Variants in UNC13B observed in about 807,000 individuals in gnomAD.
UNC13B encodes unc-13 homolog B.
Under a neutral mutation model 211.0 loss-of-function variants are expected in UNC13B, and 144 were observed. That is an observed-to-expected ratio of 0.68 (90% confidence interval 0.60 to 0.78). The LOEUF (loss-of-function observed/expected upper bound fraction) is 0.78, where lower values mean the gene tolerates loss of function less well. UNC13B is among the 30% of genes least tolerant of loss of function. The pLI is 0.00. For synonymous variants in UNC13B, 709 were observed against 725.8 expected (o/e 0.98, Z 0.37); for missense variants, 1,777 against 2,002.0 (o/e 0.89, Z 2.14).
chr9:35,259,181 C>G (rs1827111251), intron 7 of UNC13B, 131 bp downstream of exon 7: 2 of 952,526 alleles, frequency 2.1e-6, no homozygotes, highest in South Asian at 1.6e-5. Context: ...TGAAGCACAT[C>G]TGTTCAGGCG....
chr9:35,185,491 G>A (rs544057174), intron 1 of UNC13B, among the ~76,000 whole-genome samples: 48 of 152,294 alleles, frequency 3.2e-4, no homozygotes, highest in African/African-American at 1.0e-3. Flanking sequence ...GCACCTCATT[G>A]CATCCAAAGA....
In UNC13B at chr9:35,352,683, G is replaced by A. The variant is rs1455980573; in HGVS notation, c.9415-14264G>A. On this transcript the variant is annotated intron_variant, in intron 11 of 39. Coordinates refer to ENST00000635942, the MANE Select transcript of UNC13B (RefSeq NM_001371189.2). Reference sequence around the variant, plus strand: ...CTCAAGAACAATTTATCAAAGGAAAGTGATGTGCCCAAGCTAGGGGATGAA... The same window carrying A: ...CTCAAGAACAATTTATCAAAGGAAAATGATGTGCCCAAGCTAGGGGATGAA... 4.1e-6 allele frequency: 5 copies of A among 1,232,132 alleles called. No homozygotes were observed. The East Asian group carries it at 1.6e-4, about 39-fold the overall frequency. 76.3% of individuals were successfully genotyped at this position (1,232,132 alleles called of 1,614,324 possible). A position where few individuals can be genotyped will look rare whatever the true frequency, so the allele number is the denominator to read the frequency against.
intron 2 of UNC13B, among the ~76,000 whole-genome samples, chr9:35,228,935 A>G (rs1443959331): frequency 1.3e-5 from 2 of 152,128 alleles, no homozygotes; most frequent in Non-Finnish European, 2.9e-5. Flanking sequence ...GTGTCTATGT[A>G]CTAGATTCAG....
chr9:35,364,733 C>T (rs1833666607), intron 11 of UNC13B, among the ~76,000 whole-genome samples: 1 of 152,124 alleles, frequency 6.6e-6, no homozygotes, highest in African/African-American at 2.4e-5. Context: ...TTCTGAAAAG[C>T]AGTTTGTGTG....
chr9:35,323,860 A>T (rs935812833), intron 11 of UNC13B, among the ~76,000 whole-genome samples: 2 of 152,052 alleles, frequency 1.3e-5, no homozygotes, highest in Non-Finnish European at 2.9e-5. Context: ...CAATTAGATT[A>T]CAACTTTCCC....
chr9:35,231,259 A>G (rs755352019), intron 3 of UNC13B, 40 bp downstream of exon 3: 1 of 1,348,814 alleles, frequency 7.4e-7, no homozygotes, highest in Non-Finnish European at 1.1e-6. Flanking sequence ...CATATTTTAT[A>G]ATCTTTTTAA....
At chr9:35,207,619 G>A (rs1823738643) in intron 1 of UNC13B, among the ~76,000 whole-genome samples, 1 of 151,916 alleles carries the variant, frequency 6.6e-6, no homozygotes, top group Admixed American at 6.6e-5. Context: ...ACAGGTGTAA[G>A]CCACTATGCC....
intron 11 of UNC13B, among the ~76,000 whole-genome samples, chr9:35,327,817 A>G (rs1026462291): frequency 5.3e-5 from 8 of 152,200 alleles, no homozygotes; most frequent in Non-Finnish European, 1.2e-4. Context: ...TGGAGCTGCC[A>G]GCTCATGTAG....
rs759756183 is a variant in UNC13B at position 35,306,456 on chromosome 9, A to T, written c.7052A>T (p.Asn2351Ile). The T allele has an allele frequency of 1.3e-5, 5 of 398,938 alleles. No homozygotes were observed. Among genetic ancestry groups the T allele is most frequent in the Non-Finnish European group, 1.3e-5 (3 of 226,062 alleles). The allele number at this position is 398,938 out of a possible 1,614,324, so 24.7% of individuals were successfully genotyped here. A position where few individuals can be genotyped will look rare whatever the true frequency, so the allele number is the denominator to read the frequency against. Residue 2351 changes from asparagine (N) to isoleucine (I), a missense_variant, in exon 9 of 40, where the codon AAC becomes ATC. Asn to Ile is a moderately radical substitution (Grantham distance 149). Coordinates refer to ENST00000635942, the MANE Select transcript of UNC13B (RefSeq NM_001371189.2). ...QAETFLTGPE[N>I]LGIAPHEEEA... Reference sequence around the variant, plus strand: ...GAAACATTCCTCACTGGCCCAGAGAACCTTGGGATAGCTCCCCATGAAGAA... The same window carrying T: ...GAAACATTCCTCACTGGCCCAGAGATCCTTGGGATAGCTCCCCATGAAGAA...
rs1238265277 is a variant in UNC13B at position 35,248,208 on chromosome 9, T to C, written c.468+4844T>C. 2.0e-5 allele frequency among the ~76,000 whole-genome samples: 3 copies of C among 152,350 alleles called. No individual in the cohort carries two copies. The East Asian group carries it at 5.8e-4, about 29-fold the overall frequency. ...GTGGGATCAGTGGTGATATCTCCTT[T>C]ATCATTTTTTACTGTGTCTATTTGA... On this transcript the variant is annotated intron_variant, in intron 6 of 39. Coordinates refer to ENST00000635942, the MANE Select transcript of UNC13B (RefSeq NM_001371189.2).
At chr9:35,236,088 A>G (rs1331659935) in intron 3 of UNC13B, among the ~76,000 whole-genome samples, 1 of 151,086 alleles carries the variant, frequency 6.6e-6, no homozygotes. Flanking sequence ...CACCATAATC[A>G]AGGTAGTAAA....
intron 36 of UNC13B, 135 bp downstream of exon 36, chr9:35,399,864 G>C (rs906167175): frequency 1.2e-6 from 1 of 861,128 alleles, no homozygotes; most frequent in African/African-American, 1.7e-5. Context: ...TACTGCCAAG[G>C]ATACAGAATC....
intron 6 of UNC13B, 54 bp downstream of exon 6, chr9:35,243,418 CTTTATAGGTTGCCCAGG>C (rs1825917472): frequency 5.7e-6 from 9 of 1,587,676 alleles, no homozygotes; most frequent in Non-Finnish European, 7.8e-6. Flanking sequence ...CTCCAATGCT[CTTTATAGGTTGCCCAGG>C]GAGGGGCCCA....
intron 17 of UNC13B, 70 bp from the exon 18 acceptor site, chr9:35,380,400 G>A: frequency 6.5e-7 from 1 of 1,529,208 alleles, no homozygotes; most frequent in South Asian, 1.2e-5. Flanking sequence ...CTTTTGGGAG[G>A]GAATAGGAAG....
chr9:35,197,109 T>C (rs144203104), intron 1 of UNC13B, among the ~76,000 whole-genome samples: 244 of 152,350 alleles, frequency 1.6e-3, no homozygotes, highest in African/African-American at 5.5e-3. Flanking sequence ...ATTAGATGAA[T>C]ATCAAGTTTA....
chr9:35,319,991 T>C (rs1488533300), intron 11 of UNC13B, among the ~76,000 whole-genome samples: 3 of 152,186 alleles, frequency 2.0e-5, no homozygotes, highest in African/African-American at 7.2e-5. Context: ...GAATATGCAA[T>C]ATATGGTTTT....
Position 35,303,030 on chromosome 9 carries a change from G to A in UNC13B, c.3626G>A (p.Gly1209Asp), listed in dbSNP as rs1829761532. 6 of 398,554 alleles carry A rather than the reference G, an allele frequency of 1.5e-5. No homozygotes were observed. The highest frequency in any genetic ancestry group is 2.7e-5 in the Non-Finnish European group (6 of 225,802). 24.7% of individuals were successfully genotyped at this position (398,554 alleles called of 1,614,324 possible). A position where few individuals can be genotyped will look rare whatever the true frequency, so the allele number is the denominator to read the frequency against. The stretch of plus-strand genomic sequence containing the variant: ...GAGGAAGCAAAGTTCATGTCTTTAG[G>A]CAACATGAAGAGTTTGAATGGAGAT... ...KPEEAKFMSL[G>D]NMKSLNGDNH... Residue 1209 changes from glycine to aspartate, a missense_variant, in exon 9 of 40, where the codon GGC becomes GAC. Coordinates refer to ENST00000635942, the MANE Select transcript of UNC13B (RefSeq NM_001371189.2).
chr9:35,376,291 G>C, intron 15 of UNC13B, 44 bp downstream of exon 15: 3 of 1,593,960 alleles, frequency 1.9e-6, no homozygotes, highest in Non-Finnish European at 2.6e-6. Context: ...GGGCAGCAGG[G>C]GCTTTCCAAA....
intron 7 of UNC13B, among the ~76,000 whole-genome samples, chr9:35,262,561 G>A (rs531428910): frequency 1.5e-4 from 23 of 151,926 alleles, no homozygotes; most frequent in Admixed American, 1.1e-3. Flanking sequence ...CCAGTGATCC[G>A]CCCACCTCAG....
Sources: gnomAD v4.1 joint callset for allele counts (sites outside exome capture counted in the v4.1 genomes callset) on GRCh38, gnomAD v4.1.1 for gene constraint, MANE v1.5 for transcripts, NCBI Gene and HGNC (gene_info 2026-07-23, HGNC 2026-07-21) for gene names.